Variants in JADE2 observed in about 807,000 individuals in gnomAD.
The protein encoded by JADE2 is jade family PHD finger 2.
Under a neutral mutation model 85.7 loss-of-function variants are expected in JADE2, and 13 were observed. That is an observed-to-expected ratio of 0.15 (90% CI 0.10 to 0.24). The LOEUF is 0.24. Ranked by LOEUF, JADE2 falls within the 10% of genes least tolerant of loss-of-function variation. The pLI, the probability that JADE2 is intolerant of heterozygous loss-of-function variation, is 1.00. For missense variants in JADE2, 846 were observed against 1,115.9 expected, an observed-to-expected ratio of 0.76 and a Z score of 3.45; for synonymous variants, 440 against 456.1, an observed-to-expected ratio of 0.96 and a Z score of 0.45.
chr5:134,577,525 C>T (rs966438645), intron 11 of JADE2, among the ~76,000 whole-genome samples: 3 of 152,182 alleles, frequency 2.0e-5, no homozygotes, highest in African/African-American at 4.8e-5. Context: ...TTCTGTCCCT[C>T]TGTCTCAAGA....
At position 134,569,242 on chromosome 5, in the gene JADE2, T is replaced by C. The variant is rs76274160; in HGVS notation, c.1434+2662T>C. On this transcript the variant is annotated intron_variant, in intron 9 of 11. Coordinates refer to ENST00000681547, the MANE Select transcript of JADE2 (RefSeq NM_001388185.1). ...AGAAGGGAGGCCAGCCCGTGCGCTC[T>C]GAGGGTGGGCTCCACAGAGGACCAA... is the stretch of plus-strand genomic sequence containing the variant. Among the ~76,000 whole-genome samples, 1,497 of 152,276 alleles carry C rather than the reference T, an allele frequency of 9.8e-3. 9 individuals are homozygous for C. Among genetic ancestry groups the C allele is most frequent in the Admixed American group, 0.017 (256 of 15,294 alleles).
chr5:134,542,610 T>C (rs1379411933), intron 3 of JADE2, among the ~76,000 whole-genome samples: 2 of 151,390 alleles, frequency 1.3e-5, no homozygotes, highest in Non-Finnish European at 2.9e-5. Flanking sequence ...TCCAGCTAAT[T>C]TTTGTATTTT....
At chr5:134,531,882 G>GTTTTTTTTT (rs1351976124) in intron 1 of JADE2, among the ~76,000 whole-genome samples, 1 of 83,062 alleles carries the variant, frequency 1.2e-5, no homozygotes, top group Non-Finnish European at 2.5e-5. Flanking sequence ...ACCGTGCCTG[G>GTTTTTTTTT]CTTTTTTTTT....
At position 134,562,589 on chromosome 5, in the gene JADE2, A is replaced by G. The variant is rs1763393978; in HGVS notation, c.852+222A>G. Among the ~76,000 whole-genome samples, 1 of 152,146 alleles carries G rather than the reference A, an allele frequency of 6.6e-6. No individual in the cohort carries two copies. Among genetic ancestry groups the G allele is most frequent in the Non-Finnish European group, 1.5e-5 (1 of 68,022 alleles). On this transcript the variant is annotated intron_variant, in intron 7 of 11. Coordinates refer to ENST00000681547, the MANE Select transcript of JADE2 (RefSeq NM_001388185.1). This position sits in a 1 kb window ranked among gnomAD's most constrained non-coding sequence, Gnocchi z 4.6. ...GGCATTCAAGACCAGCCTGGCCAAC[A>G]TAGCAAAACCCCCTCTCTACAAAAA... is the stretch of plus-strand genomic sequence containing the variant.
chr5:134,550,578 T>G (rs1248292155), intron 3 of JADE2, among the ~76,000 whole-genome samples: 2 of 152,232 alleles, frequency 1.3e-5, no homozygotes, highest in Non-Finnish European at 2.9e-5. Flanking sequence ...ATGTGAGTTC[T>G]TCTTTAACTT....
chr5:134,577,641 T>C (rs1421404877), intron 11 of JADE2, among the ~76,000 whole-genome samples: 1 of 152,108 alleles, frequency 6.6e-6, no homozygotes, highest in Non-Finnish European at 1.5e-5. Flanking sequence ...CAGTGCACCA[T>C]GATCATGCCA....
intron 3 of JADE2, among the ~76,000 whole-genome samples, chr5:134,547,043 C>T (rs1462407302): frequency 2.0e-5 from 3 of 152,162 alleles, no homozygotes; most frequent in Non-Finnish European, 4.4e-5. Context: ...GTGAAAGTTG[C>T]CTTTTGTCAC....
intron 3 of JADE2, among the ~76,000 whole-genome samples, chr5:134,540,989 T>C (rs1761928544): frequency 6.6e-6 from 1 of 152,188 alleles, no homozygotes; most frequent in African/African-American, 2.4e-5. Flanking sequence ...CCTTTGTACC[T>C]TTCCACACCT....
Position 134,560,882 on chromosome 5 carries a change from C to A in JADE2, c.609C>A (p.Asp203Glu), listed in dbSNP as rs771885492. Residue 203 changes from aspartate (D) to glutamate (E), a missense_variant, in exon 6 of 12, where the codon GAC becomes GAA. By Grantham distance (45) the Asp-to-Glu change is conservative (BLOSUM62 2). Coordinates refer to ENST00000681547, the MANE Select transcript of JADE2 (RefSeq NM_001388185.1). ...AGTACGACGAGGATGTTGTCTGCGA[C>A]GTGTGTCGCTCTCCTGAGGGCGAGG... is the stretch of plus-strand genomic sequence containing the variant. ...GIEYDEDVVC[D>E]VCRSPEGEDG... 9.3e-6 allele frequency: 15 copies of A among 1,614,192 alleles called. No individual in the cohort carries two copies. Among genetic ancestry groups the A allele is most frequent in the East Asian group, 2.2e-5 (1 of 44,890 alleles).
At chr5:134,573,612 G>A in intron 9 of JADE2, 33 bp from the exon 10 acceptor site, 1 of 1,529,786 alleles carries the variant, frequency 6.5e-7, no homozygotes, top group Non-Finnish European at 9.1e-7. Flanking sequence ...GGTTGCCTGT[G>A]AGTAAGGTGG....
At chr5:134,571,491 G>A (rs781629369) in intron 9 of JADE2, among the ~76,000 whole-genome samples, 3 of 152,166 alleles carry the variant, frequency 2.0e-5, no homozygotes, top group African/African-American at 2.4e-5. Context: ...GAGGTCAGGA[G>A]TTCAAGACTA....
chr5:134,573,270 T>C (rs2150014429), intron 9 of JADE2, among the ~76,000 whole-genome samples: 1 of 152,296 alleles, frequency 6.6e-6, no homozygotes, highest in South Asian at 2.1e-4. Context: ...ACTGTGGTTA[T>C]AAAGGACAGC....
At chr5:134,543,431 G>T (rs1368330724) in intron 3 of JADE2, among the ~76,000 whole-genome samples, 2 of 151,702 alleles carry the variant, frequency 1.3e-5, no homozygotes, top group Non-Finnish European at 2.9e-5. Flanking sequence ...CCAGCACTTT[G>T]GGAGGCCAAG....
chr5:134,541,704 A>G (rs73788681), intron 3 of JADE2, among the ~76,000 whole-genome samples: 3,516 of 145,062 alleles, frequency 0.024, 106 homozygotes, highest in African/African-American at 0.069. Flanking sequence ...AATGTGGGCA[A>G]TGATGGGGTG....
chr5:134,536,049 T>C, intron 2 of JADE2, 134 bp downstream of exon 2: 1 of 776,884 alleles, frequency 1.3e-6, no homozygotes, highest in Non-Finnish European at 2.2e-6. Context: ...ATAAATCAAG[T>C]CAGGTTTCTC....
intron 4 of JADE2, among the ~76,000 whole-genome samples, chr5:134,557,251 C>G (rs1335571361): frequency 4.3e-5 from 6 of 138,738 alleles, no homozygotes; most frequent in African/African-American, 1.6e-4. Context: ...TTGTTGTTTT[C>G]AAGCTTTTAT....
intron 7 of JADE2, among the ~76,000 whole-genome samples, chr5:134,563,691 A>G (rs935528988): frequency 2.6e-5 from 4 of 152,204 alleles, no homozygotes; most frequent in Non-Finnish European, 5.9e-5. Context: ...GGCTTCTGTG[A>G]TAACAGTTGT....
Position 134,579,357 on chromosome 5 carries a change from C to T in JADE2, c.*40C>T, listed in dbSNP as rs1314910136. 6.8e-7 allele frequency: 1 copy of T among 1,464,408 alleles called. No individual in the cohort carries two copies. The highest frequency in any genetic ancestry group is 2.4e-5 in the East Asian group (1 of 41,040). The allele number at this position is 1,464,408 out of a possible 1,614,324, so 90.7% of individuals were successfully genotyped here. A position where few individuals can be genotyped will look rare whatever the true frequency, so the allele number is the denominator to read the frequency against. On this transcript the variant is annotated 3_prime_UTR_variant, in exon 12 of 12. Coordinates refer to ENST00000681547, the MANE Select transcript of JADE2 (RefSeq NM_001388185.1). This position sits in a 1 kb window ranked among gnomAD's most constrained non-coding sequence, Gnocchi z 4.6. ...TGTCCCAGGCCCTGCCCTGGTCCCCCCACAAGGCCTCAGCCCAGTCACAAC... is the reference window on the plus strand; with the variant it reads ...TGTCCCAGGCCCTGCCCTGGTCCCCTCACAAGGCCTCAGCCCAGTCACAAC...
At chr5:134,542,331 G>C (rs189351766) in intron 3 of JADE2, among the ~76,000 whole-genome samples, 29 of 151,740 alleles carry the variant, frequency 1.9e-4, no homozygotes, top group African/African-American at 6.5e-4. Flanking sequence ...ACACATCTCT[G>C]AGAATCTAAT....
Sources: gnomAD v4.1 joint callset for allele counts (sites outside exome capture counted in the v4.1 genomes callset) on GRCh38, gnomAD v4.1.1 for gene constraint, Gnocchi (gnomAD v3.1) non-coding constraint, MANE v1.5 for transcripts, NCBI Gene and HGNC (gene_info 2026-07-23, HGNC 2026-07-21) for gene names.